The following PUS10 variants were observed in gnomAD, a reference collection of about 807,000 sequenced individuals.
PUS10 encodes the protein tRNA pseudouridine synthase Pus10.
PUS10 carries 59 observed loss-of-function variants against 75.0 expected under a neutral mutation model. The observed-to-expected ratio is 0.79, with a 90% CI of 0.64 to 0.98. PUS10 has a LOEUF of 0.98. Ranked by LOEUF, PUS10 falls within the 50% of genes least tolerant of loss-of-function variation. The probability of loss-of-function intolerance (pLI) is 0.00; values close to 1 mark genes in which losing one functional copy is unlikely to be tolerated. For synonymous variants in PUS10, 219 were observed against 211.6 expected (o/e 1.03, Z -0.30); for missense variants, 650 against 614.4 (o/e 1.06, Z -0.61).
chr2:60,984,532 C>CA (rs1677601139), intron 4 of PUS10, among the ~76,000 whole-genome samples: 1 of 152,158 alleles, frequency 6.6e-6, no homozygotes, highest in South Asian at 2.1e-4. Context: ...TCTGTATTCC[C>CA]ATCAATTCAG....
rs952581930 is a variant in PUS10, at chr2:61,006,421, A to G, written c.468+136T>C. ...CAACAAGTATTTATTAAGCAGCTAT[A>G]AATTGCTTCAATCATTCAATAAGTA... is the stretch of plus-strand genomic sequence containing the variant. On this transcript the variant is annotated intron_variant, in intron 4 of 17. Transcript: ENST00000316752. The G allele has an allele frequency of 5.0e-5, 32 of 644,646 alleles. No homozygotes were observed. The African/African-American group carries it at 5.3e-4, about 11-fold the overall frequency. The allele number at this position is 644,646 out of a possible 1,614,324, so 39.9% of individuals were successfully genotyped here. A position where few individuals can be genotyped will look rare whatever the true frequency, so the allele number is the denominator to read the frequency against.
At chr2:60,974,630 G>A (rs549469561) in intron 4 of PUS10, among the ~76,000 whole-genome samples, 2 of 152,298 alleles carry the variant, frequency 1.3e-5, no homozygotes, top group African/African-American at 4.8e-5. Flanking sequence ...AGGGCTCTGC[G>A]GTTTCTAGCG....
chr2:60,984,740 ATGTGAGCTC>A (rs1677613923), intron 4 of PUS10, among the ~76,000 whole-genome samples: 1 of 152,226 alleles, frequency 6.6e-6, no homozygotes, highest in African/African-American at 2.4e-5. Flanking sequence ...ATATATGCAT[ATGTGAGCTC>A]TGTAAGTTCT....
intron 11 of PUS10, among the ~76,000 whole-genome samples, chr2:60,955,301 T>G (rs537082224): frequency 3.9e-5 from 6 of 151,916 alleles, no homozygotes; most frequent in Non-Finnish European, 7.4e-5. Flanking sequence ...GGACTAAAAA[T>G]GTTATATATA....
intron 8 of PUS10, among the ~76,000 whole-genome samples, chr2:60,963,587 C>T (rs529879231): frequency 1.3e-5 from 2 of 152,290 alleles, no homozygotes; most frequent in East Asian, 3.9e-4. Context: ...GGAGAAATCA[C>T]ATTTGACTGA....
rs114610213 is a variant in PUS10, at chr2:60,945,732, T to C, written c.1452-624A>G. On this transcript the variant is annotated intron_variant, in intron 16 of 17. Coordinates refer to ENST00000316752, the MANE Select transcript of PUS10 (RefSeq NM_144709.4). ...TCTTAAAGGGGCAACTTTGTATTTC[T>C]CTCAAAATTGTATTTCAAATTTTGA... Among the ~76,000 whole-genome samples the C allele has an allele frequency of 4.0e-3, 616 of 152,370 alleles. 6 individuals are homozygous for C. Among genetic ancestry groups the C allele is most frequent in the African/African-American group, 0.014 (589 of 41,584 alleles).
chr2:60,973,122 C>G (rs923037998), intron 4 of PUS10, among the ~76,000 whole-genome samples: 5 of 152,240 alleles, frequency 3.3e-5, no homozygotes, highest in Non-Finnish European at 7.3e-5. Context: ...AGGCCCAAAG[C>G]CTCCGTCCCG....
chr2:61,017,939 A>G (rs2104788624), intron 1 of PUS10, 69 bp downstream of exon 1: 1 of 1,408,326 alleles, frequency 7.1e-7, no homozygotes, highest in Non-Finnish European at 9.8e-7. Flanking sequence ...TAGTGGAGGT[A>G]TTCCCTTCCC....
At chr2:60,949,566 GT>G (rs946605882) in intron 15 of PUS10, among the ~76,000 whole-genome samples, 104 of 144,180 alleles carry the variant, frequency 7.2e-4, no homozygotes, top group South Asian at 5.9e-3. Flanking sequence ...GCTTGTTTTT[GT>G]TTTTTTTTTT....
intron 10 of PUS10, 141 bp downstream of exon 10, chr2:60,961,322 C>G: frequency 1.5e-6 from 1 of 681,002 alleles, no homozygotes; most frequent in Non-Finnish European, 2.6e-6. Flanking sequence ...ATAAGTTTGG[C>G]TATTGATTCT....
intron 4 of PUS10, among the ~76,000 whole-genome samples, chr2:60,992,295 C>T (rs895256599): frequency 1.3e-5 from 2 of 152,116 alleles, no homozygotes; most frequent in African/African-American, 2.4e-5. Context: ...GGATTATAGG[C>T]ATAAGCCACT....
In PUS10 at chr2:61,017,877, G is replaced by C. The variant is rs539698123; in HGVS notation, c.-16+131C>G. The C allele has an allele frequency of 1.2e-4, 190 of 1,544,348 alleles. No individual in the cohort carries two copies. Among genetic ancestry groups the C allele is most frequent in the Non-Finnish European group, 1.6e-4 (185 of 1,141,300 alleles). On this transcript the variant is annotated intron_variant, in intron 1 of 17. Coordinates refer to ENST00000316752, the MANE Select transcript of PUS10 (RefSeq NM_144709.4). ...GTGAGTGTGGGATTCTTCAGGCTGT[G>C]AGTTTAGTGGGCCCGAGCGGGGACT...
At chr2:60,972,553 A>T (rs1404715954) in intron 4 of PUS10, among the ~76,000 whole-genome samples, 2 of 152,200 alleles carry the variant, frequency 1.3e-5, no homozygotes, top group Admixed American at 6.5e-5. Context: ...GTTTCCTGTT[A>T]GACTCCCACA....
At chr2:60,997,369 G>C (rs1418010207) in intron 4 of PUS10, among the ~76,000 whole-genome samples, 1 of 152,196 alleles carries the variant, frequency 6.6e-6, no homozygotes, top group Admixed American at 6.5e-5. Context: ...CCAGCACTTT[G>C]AGAGGCCGAG....
At chr2:60,946,493 A>G (rs962338467) in intron 16 of PUS10, among the ~76,000 whole-genome samples, 2 of 152,218 alleles carry the variant, frequency 1.3e-5, no homozygotes, top group African/African-American at 4.8e-5. Flanking sequence ...GGCCCACCAG[A>G]ACTAAAGGCC....
intron 6 of PUS10, 51 bp downstream of exon 6, chr2:60,967,451 T>C (rs781532654): frequency 4.0e-6 from 5 of 1,253,258 alleles, no homozygotes; most frequent in Non-Finnish European, 5.7e-6. Context: ...TATAATTAAG[T>C]AAAACTAGTA....
intron 11 of PUS10, 126 bp downstream of exon 11, chr2:60,960,266 C>A: frequency 1.5e-6 from 1 of 667,092 alleles, no homozygotes; most frequent in Non-Finnish European, 2.2e-6. Flanking sequence ...ATCGTTTGAG[C>A]CCAGGAAGTC....
At chr2:61,002,592 T>C (rs1049338798) in intron 4 of PUS10, among the ~76,000 whole-genome samples, 2 of 152,174 alleles carry the variant, frequency 1.3e-5, no homozygotes, top group African/African-American at 4.8e-5. Context: ...GGACCACAGG[T>C]ACCACCATGA....
intron 4 of PUS10, among the ~76,000 whole-genome samples, chr2:60,989,248 T>G (rs959168000): frequency 6.6e-6 from 1 of 151,762 alleles, no homozygotes; most frequent in Non-Finnish European, 1.5e-5. Flanking sequence ...ATAAAGAAAA[T>G]TGACTGTTTG....
Sources: allele counts gnomAD v4.1 joint callset (sites outside exome capture counted in the v4.1 genomes callset), GRCh38; gene constraint gnomAD v4.1.1; transcripts MANE v1.5; gene names NCBI Gene and HGNC (gene_info 2026-07-23, HGNC 2026-07-21).